GABRG3: variants seen among roughly 807,000 people sequenced by gnomAD.
GABRG3 encodes gamma-aminobutyric acid receptor subunit gamma-3.
Under a neutral mutation model 48.8 loss-of-function variants are expected in GABRG3, and 25 were observed. That is an observed-to-expected ratio of 0.51 (90% CI 0.37 to 0.72). The LOEUF is 0.72. Ranked by LOEUF, GABRG3 falls within the 30% of genes least tolerant of loss-of-function variation. The pLI, the probability that GABRG3 is intolerant of heterozygous loss-of-function variation, is 0.00. For missense variants in GABRG3, 394 were observed against 577.9 expected, an observed-to-expected ratio of 0.68 and a Z score of 3.26; for synonymous variants, 227 against 217.6, an observed-to-expected ratio of 1.04 and a Z score of -0.38.
intron 3 of GABRG3, among the ~76,000 whole-genome samples, chr15:27,104,053 C>T (rs1190782055): frequency 6.6e-6 from 1 of 152,174 alleles, no homozygotes; most frequent in Non-Finnish European, 1.5e-5. Flanking sequence ...TGGAAATTAC[C>T]AAGTTGAGGT....
chr15:27,537,948 T>C lies in GABRG3; in HGVS notation c.*5067T>C, dbSNP rs1463798143. ...TCCACCTCCCGGGTTCAAGCAATTC[T>C]CTTGCCTCAGCTTCCCGAGTAGCTG... On this transcript the variant is annotated 3_prime_UTR_variant, in exon 10 of 10. Transcript: ENST00000615808. 1 of 152,064 alleles carries C rather than the reference T, an allele frequency of 6.6e-6. No homozygotes were observed. Among genetic ancestry groups the C allele is most frequent in the African/African-American group, 2.4e-5 (1 of 41,404 alleles). The allele number at this position is 152,064 out of a possible 1,614,324, so 9.4% of individuals were successfully genotyped here.
chr15:27,423,721 CTTTTTT>C (rs542775399), intron 5 of GABRG3, among the ~76,000 whole-genome samples: 21 of 81,786 alleles, frequency 2.6e-4, no homozygotes, highest in African/African-American at 1.1e-3. Context: ...TTTTCTTTTC[CTTTTTT>C]TTTTTTTTTT....
intron 3 of GABRG3, among the ~76,000 whole-genome samples, chr15:27,163,201 C>G (rs1887255168): frequency 1.3e-5 from 2 of 152,038 alleles, no homozygotes; most frequent in African/African-American, 4.8e-5. Context: ...CTCCTACTGC[C>G]CTCTAAATTA....
At chr15:27,396,540 T>G (rs1887302431) in intron 5 of GABRG3, among the ~76,000 whole-genome samples, 1 of 152,182 alleles carries the variant, frequency 6.6e-6, no homozygotes. Context: ...TCTTACACAT[T>G]TCCTCTGGAA....
intron 5 of GABRG3, among the ~76,000 whole-genome samples, chr15:27,379,831 G>C (rs9673070): frequency 0.37 from 56,194 of 151,890 alleles, 10,696 homozygotes; most frequent in Middle Eastern, 0.44. Context: ...TCCCTCTCTG[G>C]CTTCTTTCAA....
In GABRG3 at chr15:27,534,585, A is replaced by T. The variant is rs550887975; in HGVS notation, c.*1704A>T. ...ATTTGACCTAGAAACCGTAATTTTT[A>T]AAATTATCTATTGTGCATACCATAA... On this transcript the variant is annotated 3_prime_UTR_variant, in exon 10 of 10. Transcript: ENST00000615808. The T allele has an allele frequency of 6.4e-4, 98 of 152,342 alleles. No homozygotes were observed. Among genetic ancestry groups the T allele is most frequent in the African/African-American group, 1.6e-3 (65 of 41,582 alleles). 9.4% of individuals were successfully genotyped at this position (152,342 alleles called of 1,614,324 possible). A position where few individuals can be genotyped will look rare whatever the true frequency, so the allele number is the denominator to read the frequency against.
At position 27,541,475 on chromosome 15, in the gene GABRG3, A is replaced by G. The variant is rs947759219; in HGVS notation, c.*8594A>G. 15 of 152,234 alleles carry G rather than the reference A, an allele frequency of 9.9e-5. No homozygotes were observed. Among genetic ancestry groups the G allele is most frequent in the African/African-American group, 3.6e-4 (15 of 41,436 alleles). The allele number at this position is 152,234 out of a possible 1,614,324, so 9.4% of individuals were successfully genotyped here. ...GAGGCGCGGACTGCTCTCTGTTCCC[A>G]TGGAATCCTTCCTGCCTGTGAAGCC... On this transcript the variant is annotated 3_prime_UTR_variant, in exon 10 of 10. Coordinates refer to ENST00000615808, the MANE Select transcript of GABRG3 (RefSeq NM_033223.5).
chr15:27,290,291 T>A (rs1891753698), intron 3 of GABRG3, among the ~76,000 whole-genome samples: 1 of 151,344 alleles, frequency 6.6e-6, no homozygotes, highest in Non-Finnish European at 1.5e-5. Context: ...TACAGAAAAA[T>A]TTCAAATGAT....
At position 26,971,419 on chromosome 15, in the gene GABRG3, C is replaced by A; in HGVS notation, c.-117C>A. On this transcript the variant is annotated 5_prime_UTR_variant, in exon 1 of 10. Transcript: ENST00000615808. ...GAGTAGATACCTGTCCCGCCCGCCGCGGCCAGCAGCCTCGGAGGAAGCCAG... is the reference window on the plus strand; with the variant it reads ...GAGTAGATACCTGTCCCGCCCGCCGAGGCCAGCAGCCTCGGAGGAAGCCAG... 1.3e-6 allele frequency: 1 copy of A among 796,204 alleles called. No homozygotes were observed. Among genetic ancestry groups the A allele is most frequent in the Non-Finnish European group, 1.8e-6 (1 of 562,822 alleles). The allele number at this position is 796,204 out of a possible 1,614,324, so 49.3% of individuals were successfully genotyped here.
At chr15:27,185,792 T>C (rs1260904246) in intron 3 of GABRG3, among the ~76,000 whole-genome samples, 1 of 152,112 alleles carries the variant, frequency 6.6e-6, no homozygotes, top group Non-Finnish European at 1.5e-5. Context: ...TGTCCATTTG[T>C]GTCACTAGTA....
At chr15:27,147,790 C>T (rs1406454560) in intron 3 of GABRG3, among the ~76,000 whole-genome samples, 1 of 151,848 alleles carries the variant, frequency 6.6e-6, no homozygotes, top group African/African-American at 2.4e-5. Context: ...TGCAGAAACA[C>T]AGTATTCTAG....
At chr15:27,019,883 C>T (rs1415213453) in intron 2 of GABRG3, among the ~76,000 whole-genome samples, 1 of 152,162 alleles carries the variant, frequency 6.6e-6, no homozygotes, top group African/African-American at 2.4e-5. Context: ...GTCATTTTTA[C>T]TCTTTTCATG....
intron 3 of GABRG3, among the ~76,000 whole-genome samples, chr15:27,176,059 C>T (rs1297080383): frequency 6.7e-6 from 1 of 149,536 alleles, no homozygotes; most frequent in Admixed American, 6.6e-5. Context: ...AAAAAGAAAA[C>T]AAGCCAAAAA....
intron 3 of GABRG3, among the ~76,000 whole-genome samples, chr15:27,275,958 G>GC (rs1891238290): frequency 6.6e-6 from 1 of 152,192 alleles, no homozygotes; most frequent in Non-Finnish European, 1.5e-5. Flanking sequence ...ATGACCTTCT[G>GC]CAGGTTTCTG....
chr15:27,238,321 C>T (rs1254466410), intron 3 of GABRG3, among the ~76,000 whole-genome samples: 3 of 152,228 alleles, frequency 2.0e-5, no homozygotes, highest in Non-Finnish European at 4.4e-5. Context: ...GCCCACCGGC[C>T]AGAGGAGCAA....
At chr15:27,336,204 AAGAAAGAGAG>A (rs1893961178) in intron 5 of GABRG3, among the ~76,000 whole-genome samples, 1 of 141,080 alleles carries the variant, frequency 7.1e-6, no homozygotes, top group Non-Finnish European at 1.5e-5. Flanking sequence ...GAAAGAAAGA[AAGAAAGAGAG>A]AGAGAGAGAG....
chr15:27,060,398 T>C (rs547387069), intron 3 of GABRG3, among the ~76,000 whole-genome samples: 2 of 152,354 alleles, frequency 1.3e-5, no homozygotes, highest in South Asian at 4.1e-4. Flanking sequence ...GAAACTGCTC[T>C]GGGAAACTGC....
intron 3 of GABRG3, among the ~76,000 whole-genome samples, chr15:27,305,535 A>ACG (rs1390172046): frequency 7.0e-6 from 1 of 143,484 alleles, no homozygotes; most frequent in Non-Finnish European, 1.5e-5. Context: ...ATATAAACCT[A>ACG]TGTTTATATA....
At chr15:27,388,967 T>C (rs868743699) in intron 5 of GABRG3, among the ~76,000 whole-genome samples, 1 of 152,188 alleles carries the variant, frequency 6.6e-6, no homozygotes, top group South Asian at 2.1e-4. Context: ...ATATATTAGC[T>C]TTTATTTTCT....
Sources: gnomAD v4.1 joint callset for allele counts (sites outside exome capture counted in the v4.1 genomes callset) on GRCh38, gnomAD v4.1.1 for gene constraint, MANE v1.5 for transcripts, NCBI Gene and HGNC (gene_info 2026-07-23, HGNC 2026-07-21) for gene names.